MPHOSPH6: variants seen among roughly 807,000 people sequenced by gnomAD.
MPHOSPH6 encodes M-phase phosphoprotein 6.
A neutral mutation model predicts 21.8 loss-of-function variants in MPHOSPH6; 25 were observed. That is an observed-to-expected ratio of 1.15 (90% confidence interval 0.83 to 1.60). The LOEUF (loss-of-function observed/expected upper bound fraction) is 1.60. Ranked by LOEUF, MPHOSPH6 falls within the 40% of genes most tolerant of loss-of-function variation. MPHOSPH6 has a pLI of 0.00. For missense variants in MPHOSPH6, 269 were observed against 181.8 expected, an observed-to-expected ratio of 1.48 and a Z score of -2.76; for synonymous variants, 84 against 56.5, an observed-to-expected ratio of 1.49 and a Z score of -2.18.
chr16:82,169,437 A>T (rs148287520), intron 1 of MPHOSPH6, among the ~76,000 whole-genome samples: 171 of 152,328 alleles, frequency 1.1e-3, no homozygotes, highest in Non-Finnish European at 2.1e-3. Flanking sequence ...CTGGAAGAAG[A>T]GGGAGTTCTG....
chr16:82,155,646 G>A (rs1906404291), intron 2 of MPHOSPH6, among the ~76,000 whole-genome samples: 2 of 152,224 alleles, frequency 1.3e-5, no homozygotes, highest in East Asian at 3.8e-4. Flanking sequence ...GCTCATGCCT[G>A]TAATCCCAGC....
At chr16:82,162,855 ATTAG>A (rs1238152510) in intron 2 of MPHOSPH6, among the ~76,000 whole-genome samples, 1 of 152,242 alleles carries the variant, frequency 6.6e-6, no homozygotes, top group African/African-American at 2.4e-5. Context: ...AATATGCTGT[ATTAG>A]GGGAAAAATA....
intron 1 of MPHOSPH6, among the ~76,000 whole-genome samples, chr16:82,165,110 A>ATTTATTTTTT (rs1906723920): frequency 1.3e-5 from 1 of 79,952 alleles, no homozygotes; most frequent in African/African-American, 5.9e-5. Flanking sequence ...CAGGTCCGAT[A>ATTTATTTTTT]TTTCTTTTTT....
intron 2 of MPHOSPH6, among the ~76,000 whole-genome samples, chr16:82,163,697 T>A (rs1297604281): frequency 2.6e-5 from 4 of 152,228 alleles, no homozygotes; most frequent in African/African-American, 9.7e-5. Context: ...CTGACCTGCC[T>A]TAAAATGCTC....
chr16:82,159,003 A>G (rs528578127), intron 2 of MPHOSPH6, among the ~76,000 whole-genome samples: 2 of 152,390 alleles, frequency 1.3e-5, no homozygotes, highest in African/African-American at 4.8e-5. Context: ...TGGTGTTTTC[A>G]GATTCCACGT....
chr16:82,166,447 T>G (rs530626568), intron 1 of MPHOSPH6, among the ~76,000 whole-genome samples: 1 of 152,368 alleles, frequency 6.6e-6, no homozygotes, highest in South Asian at 2.1e-4. Flanking sequence ...TAAGACTTCC[T>G]GGTTGGCATT....
chr16:82,170,080 C>A (rs1309151697), intron 1 of MPHOSPH6, 45 bp downstream of exon 1: 1 of 1,563,306 alleles, frequency 6.4e-7, no homozygotes, highest in South Asian at 1.2e-5. Flanking sequence ...TTGGAAGGAC[C>A]GGGTGCCCCT....
intron 2 of MPHOSPH6, among the ~76,000 whole-genome samples, chr16:82,153,341 C>G (rs1048823640): frequency 7.2e-5 from 11 of 152,024 alleles, no homozygotes; most frequent in African/African-American, 2.4e-4. Flanking sequence ...ATAAAATGAC[C>G]ATTTTCAGAT....
Position 82,148,620 on chromosome 16 carries a change from T to C in MPHOSPH6, c.*111A>G. On this transcript the variant is annotated 3_prime_UTR_variant, in exon 5 of 5. Transcript: ENST00000258169. Reference sequence around the variant, plus strand: ...CATGTTTCTAAAATGATAATCTCTTTACAAGTAAACGTTACAGTATTAATA... The same window carrying C: ...CATGTTTCTAAAATGATAATCTCTTCACAAGTAAACGTTACAGTATTAATA... The C allele has an allele frequency of 7.6e-7, 1 of 1,307,428 alleles. No homozygotes were observed. The highest frequency in any genetic ancestry group is 1.0e-6 in the Non-Finnish European group (1 of 968,288). The allele number at this position is 1,307,428 out of a possible 1,614,324, so 81.0% of individuals were successfully genotyped here.
intron 3 of MPHOSPH6, chr16:82,151,212 A>G (rs1369956427): frequency 3.7e-6 from 2 of 539,674 alleles, no homozygotes; most frequent in African/African-American, 1.9e-5. Flanking sequence ...AGGGCTGTAT[A>G]CTGCTATATG....
At chr16:82,152,002 T>G (rs1057277007) in intron 2 of MPHOSPH6, among the ~76,000 whole-genome samples, 1 of 152,240 alleles carries the variant, frequency 6.6e-6, no homozygotes, top group African/African-American at 2.4e-5. Flanking sequence ...TTCCATTCTC[T>G]AATTATCAAA....
chr16:82,157,979 T>G (rs1906482049), intron 2 of MPHOSPH6, among the ~76,000 whole-genome samples: 1 of 152,146 alleles, frequency 6.6e-6, no homozygotes, highest in African/African-American at 2.4e-5. Flanking sequence ...CAAAAGCAAC[T>G]CTGGGTAAAA....
At chr16:82,165,866 T>C (rs1597165492) in intron 1 of MPHOSPH6, among the ~76,000 whole-genome samples, 1 of 115,838 alleles carries the variant, frequency 8.6e-6, no homozygotes, top group East Asian at 2.7e-4. Flanking sequence ...CGTATCCCTG[T>C]TGTTAAATCA....
chr16:82,157,380 C>T (rs1310120126), intron 2 of MPHOSPH6, among the ~76,000 whole-genome samples: 4 of 152,230 alleles, frequency 2.6e-5, no homozygotes, highest in African/African-American at 9.6e-5. Flanking sequence ...TTTGCTGACA[C>T]AGTTAAGCAC....
chr16:82,154,116 C>T (rs1906353711), intron 2 of MPHOSPH6, among the ~76,000 whole-genome samples: 1 of 152,150 alleles, frequency 6.6e-6, no homozygotes, highest in Non-Finnish European at 1.5e-5. Flanking sequence ...TTCCAGCCTA[C>T]CATACCTGGG....
intron 2 of MPHOSPH6, among the ~76,000 whole-genome samples, chr16:82,159,383 C>T (rs979429837): frequency 3.3e-5 from 5 of 152,042 alleles, no homozygotes; most frequent in African/African-American, 1.2e-4. Context: ...ATAAATCACA[C>T]AAAACACTCT....
chr16:82,163,999 T>G lies in MPHOSPH6; in HGVS notation c.164+83A>C, dbSNP rs544464980. The G allele has an allele frequency of 4.1e-5, 35 of 856,200 alleles. No individual in the cohort carries two copies. In the East Asian group the frequency reaches 7.7e-4, roughly 19 times the overall value. The allele number at this position is 856,200 out of a possible 1,614,324, so 53.0% of individuals were successfully genotyped here. On this transcript the variant is annotated intron_variant, in intron 2 of 4. Coordinates refer to ENST00000258169, the MANE Select transcript of MPHOSPH6 (RefSeq NM_005792.2). ...CAGAAACAATTTCATGGGCTTTATGTCACCGGAATGATGAGTTAAATTTAC... is the reference window on the plus strand; with the variant it reads ...CAGAAACAATTTCATGGGCTTTATGGCACCGGAATGATGAGTTAAATTTAC...
At chr16:82,158,683 T>A (rs1906511915) in intron 2 of MPHOSPH6, among the ~76,000 whole-genome samples, 1 of 152,102 alleles carries the variant, frequency 6.6e-6, no homozygotes, top group African/African-American at 2.4e-5. Context: ...ACCTGACACT[T>A]CAAGGGGAAT....
Position 82,164,184 on chromosome 16 carries a change from C to T in MPHOSPH6, c.62G>A (p.Arg21Lys), listed in dbSNP as rs777944106. ...TTTCTTGGTTTCTGAGTCCAGTCCC[C>T]TTTGCATAAACTGTGAAAACAAACA... Reference protein sequence around the residue: ...KNLLRMKFMQRGLDSETKKQL... With the variant: ...KNLLRMKFMQKGLDSETKKQL... The change falls in exon 2 of 5, where the codon AGG becomes AAG. Residue 21 changes from arginine to lysine, a missense_variant. By Grantham distance (26) the Arg-to-Lys change is conservative (BLOSUM62 2). Coordinates refer to ENST00000258169, the MANE Select transcript of MPHOSPH6 (RefSeq NM_005792.2). 1.2e-6 allele frequency: 2 copies of T among 1,607,212 alleles called. No individual in the cohort carries two copies. The highest frequency in any genetic ancestry group is 1.1e-5 in the South Asian group (1 of 90,434).
Sources: gnomAD v4.1 joint callset for allele counts (sites outside exome capture counted in the v4.1 genomes callset) on GRCh38, gnomAD v4.1.1 for gene constraint, MANE v1.5 for transcripts, NCBI Gene and HGNC (gene_info 2026-07-23, HGNC 2026-07-21) for gene names.